The following SNTG1 variants were observed in gnomAD, a reference collection of about 807,000 sequenced individuals.
The protein encoded by SNTG1 is syntrophin gamma 1.
In SNTG1, 39 loss-of-function variants were observed where a neutral mutation model predicts 74.7. The ratio of observed to expected loss-of-function variants is 0.52; its 90% CI spans 0.40 to 0.68. The LOEUF (loss-of-function observed/expected upper bound fraction) is 0.68, where lower values mean the gene tolerates loss of function less well. SNTG1 is among the 30% of genes least tolerant of loss of function. SNTG1 has a pLI of 0.00. For synonymous variants in SNTG1, 254 were observed against 217.1 expected, an observed-to-expected ratio of 1.17 and a Z score of -1.49; for missense variants, 685 against 609.5, an observed-to-expected ratio of 1.12 and a Z score of -1.30.
intron 12 of SNTG1, among the ~76,000 whole-genome samples, chr8:50,581,532 T>A (rs191986022): frequency 1.2e-3 from 188 of 152,330 alleles, no homozygotes; most frequent in African/African-American, 4.4e-3. Flanking sequence ...AGTATTCCTT[T>A]CAAATCTTGT....
At chr8:50,646,749 A>G (rs2095111687) in intron 13 of SNTG1, among the ~76,000 whole-genome samples, 3 of 152,168 alleles carry the variant, frequency 2.0e-5, no homozygotes, top group Admixed American at 2.0e-4. Context: ...CAAAAGACCC[A>G]GAAAAACCAA....
chr8:50,732,698 C>T (rs376968543), intron 17 of SNTG1, among the ~76,000 whole-genome samples: 119 of 151,654 alleles, frequency 7.8e-4, no homozygotes, highest in Middle Eastern at 3.4e-3. Flanking sequence ...AATTTTACAA[C>T]GTCATCAACA....
At chr8:50,407,340 A>G (rs993161881) in intron 4 of SNTG1, among the ~76,000 whole-genome samples, 8 of 152,154 alleles carry the variant, frequency 5.3e-5, no homozygotes, top group African/African-American at 4.8e-5. Flanking sequence ...CAAGGATGCT[A>G]TTTTGTTATC....
intron 14 of SNTG1, among the ~76,000 whole-genome samples, chr8:50,657,726 T>A (rs1326262642): frequency 2.0e-5 from 3 of 152,120 alleles, no homozygotes; most frequent in African/African-American, 7.2e-5. Context: ...CTTGCTTATT[T>A]ATGTTGTACA....
chr8:50,146,539 A>AAAAC (rs147578913), intron 1 of SNTG1, among the ~76,000 whole-genome samples: 127 of 151,994 alleles, frequency 8.4e-4, no homozygotes, highest in South Asian at 7.7e-3. Flanking sequence ...CAAAAACACA[A>AAAAC]AAACAAACAA....
intron 1 of SNTG1, among the ~76,000 whole-genome samples, chr8:49,954,966 G>A (rs1299823534): frequency 6.6e-6 from 1 of 152,140 alleles, no homozygotes; most frequent in Non-Finnish European, 1.5e-5. Flanking sequence ...TAATTGGTCT[G>A]TTATCAATGA....
intron 1 of SNTG1, among the ~76,000 whole-genome samples, chr8:49,969,552 A>G (rs1811466654): frequency 6.6e-6 from 1 of 151,880 alleles, no homozygotes; most frequent in African/African-American, 2.4e-5. Context: ...GCCCACCACC[A>G]TGCCCAGCTA....
intron 17 of SNTG1, among the ~76,000 whole-genome samples, chr8:50,725,094 C>T (rs141641968): frequency 1.0e-3 from 157 of 152,110 alleles, no homozygotes; most frequent in African/African-American, 3.6e-3. Context: ...TATGGAGAAT[C>T]GTTGGATCAA....
At chr8:50,112,864 T>G (rs527251169) in intron 1 of SNTG1, among the ~76,000 whole-genome samples, 85 of 152,252 alleles carry the variant, frequency 5.6e-4, no homozygotes, top group Admixed American at 1.2e-3. Flanking sequence ...TTTCCCCATT[T>G]CTTGTTTTTG....
intron 12 of SNTG1, among the ~76,000 whole-genome samples, chr8:50,581,615 G>T (rs1563606785): frequency 1.3e-5 from 2 of 152,038 alleles, no homozygotes; most frequent in South Asian, 4.1e-4. Context: ...TTAGAGATTA[G>T]TATCTCCAAA....
At position 49,912,072 on chromosome 8, in the gene SNTG1, G is replaced by A. The variant is rs578042913; in HGVS notation, c.-262G>A. On this transcript the variant is annotated 5_prime_UTR_variant, in exon 1 of 19. Transcript: ENST00000642720. ...TGAGAAATCATGGGCCGTGCGGTAG[G>A]GGTTGAAATGCTCAAAGGTCCACAC... is the stretch of plus-strand genomic sequence containing the variant. The A allele has an allele frequency of 6.6e-5, 10 of 152,146 alleles. 1 individual carries two copies. Among genetic ancestry groups the A allele is most frequent in the Middle Eastern group, 6.3e-3 (2 of 316 alleles). The allele number at this position is 152,146 out of a possible 1,614,324, so 9.4% of individuals were successfully genotyped here.
At chr8:49,981,993 A>G (rs1453780896) in intron 1 of SNTG1, among the ~76,000 whole-genome samples, 1 of 152,158 alleles carries the variant, frequency 6.6e-6, no homozygotes, top group Non-Finnish European at 1.5e-5. Context: ...TAAAAAAATA[A>G]CTAATAGATA....
intron 1 of SNTG1, among the ~76,000 whole-genome samples, chr8:50,148,857 A>C (rs904512467): frequency 2.0e-5 from 3 of 152,196 alleles, no homozygotes; most frequent in Admixed American, 1.3e-4. Flanking sequence ...TGCAATAAAC[A>C]TACGTGTGCA....
At chr8:50,495,240 G>T (rs961606537) in intron 8 of SNTG1, among the ~76,000 whole-genome samples, 2 of 151,936 alleles carry the variant, frequency 1.3e-5, no homozygotes, top group Non-Finnish European at 2.9e-5. Context: ...ACATATTTAT[G>T]AAGTATTTTT....
intron 1 of SNTG1, among the ~76,000 whole-genome samples, chr8:50,023,727 A>G (rs1244242647): frequency 1.3e-5 from 2 of 152,302 alleles, no homozygotes; most frequent in South Asian, 4.1e-4. Context: ...GTATGAAGCA[A>G]ATGCAGTTTC....
At chr8:50,496,755 C>A (rs1227317825) in intron 8 of SNTG1, among the ~76,000 whole-genome samples, 1 of 151,924 alleles carries the variant, frequency 6.6e-6, no homozygotes, top group East Asian at 1.9e-4. Flanking sequence ...TCATCTATAG[C>A]AGTTTGAGAG....
intron 1 of SNTG1, among the ~76,000 whole-genome samples, chr8:50,008,231 C>T (rs1429516021): frequency 1.3e-5 from 2 of 152,210 alleles, no homozygotes; most frequent in Non-Finnish European, 2.9e-5. Flanking sequence ...AATATTCACT[C>T]TTTCCGGTAG....
At chr8:50,714,199 T>C (rs1166810319) in intron 17 of SNTG1, among the ~76,000 whole-genome samples, 1 of 152,164 alleles carries the variant, frequency 6.6e-6, no homozygotes, top group African/African-American at 2.4e-5. Context: ...TCTATAAATC[T>C]GTTTTGGTAC....
chr8:50,206,610 A>C (rs2084251344), intron 2 of SNTG1, among the ~76,000 whole-genome samples: 1 of 152,136 alleles, frequency 6.6e-6, no homozygotes, highest in Admixed American at 6.5e-5. Flanking sequence ...TATTTTGACT[A>C]GGAGTGGTGA....
Sources: allele counts gnomAD v4.1 joint callset (sites outside exome capture counted in the v4.1 genomes callset), GRCh38; gene constraint gnomAD v4.1.1; transcripts MANE v1.5; gene names NCBI Gene and HGNC (gene_info 2026-07-23, HGNC 2026-07-21).